The following RUNDC3B variants were observed in gnomAD, a reference collection of about 807,000 sequenced individuals.
RUNDC3B encodes the protein RUN domain-containing protein 3B.
RUNDC3B carries 33 observed loss-of-function variants against 58.4 expected under a neutral mutation model. The ratio of observed to expected loss-of-function variants is 0.56; its 90% CI spans 0.43 to 0.75. The LOEUF is 0.75. RUNDC3B is among the 30% of genes least tolerant of loss of function. The probability of loss-of-function intolerance (pLI) is 0.00; values close to 1 mark genes in which losing one functional copy is unlikely to be tolerated. For synonymous variants in RUNDC3B, 193 were observed against 195.2 expected, an observed-to-expected ratio of 0.99 and a Z score of 0.10; for missense variants, 501 against 535.7, an observed-to-expected ratio of 0.94 and a Z score of 0.64.
intron 3 of RUNDC3B, chr7:87,709,208 G>C (rs995230340): frequency 2.0e-6 from 2 of 981,902 alleles, no homozygotes; most frequent in African/African-American, 3.5e-5. Flanking sequence ...CAGGAAGCAA[G>C]ATTTTCCCTA....
chr7:87,810,562 G>T (rs1260709497), intron 9 of RUNDC3B, among the ~76,000 whole-genome samples: 3 of 152,122 alleles, frequency 2.0e-5, no homozygotes, highest in African/African-American at 7.2e-5. Flanking sequence ...ACAACAGTGT[G>T]TTGTTTGATT....
At chr7:87,741,957 T>C (rs562218391) in intron 6 of RUNDC3B, among the ~76,000 whole-genome samples, 8 of 152,338 alleles carry the variant, frequency 5.3e-5, no homozygotes, top group Admixed American at 2.6e-4. Context: ...TAACATTTTA[T>C]GCATATCAAT....
At chr7:87,820,738 G>A (rs1255752377) in intron 10 of RUNDC3B, among the ~76,000 whole-genome samples, 8 of 151,232 alleles carry the variant, frequency 5.3e-5, no homozygotes, top group Non-Finnish European at 1.2e-4. Context: ...TTCAACATAC[G>A]CAAATCAATA....
At chr7:87,769,675 G>T (rs1363370429) in intron 6 of RUNDC3B, among the ~76,000 whole-genome samples, 2 of 151,446 alleles carry the variant, frequency 1.3e-5, no homozygotes, top group African/African-American at 4.9e-5. Context: ...TGGGATACAT[G>T]TGCAGAACGT....
intron 2 of RUNDC3B, among the ~76,000 whole-genome samples, chr7:87,670,980 T>A (rs780802312): frequency 7.9e-5 from 12 of 152,232 alleles, no homozygotes; most frequent in Non-Finnish European, 1.8e-4. Flanking sequence ...TCAGTGTTTA[T>A]GTTTCTTTCT....
intron 1 of RUNDC3B, among the ~76,000 whole-genome samples, chr7:87,647,169 A>G (rs1436761467): frequency 6.6e-6 from 1 of 152,218 alleles, no homozygotes; most frequent in Non-Finnish European, 1.5e-5. Context: ...TTACACAACA[A>G]GAATGCCATA....
At position 87,805,977 on chromosome 7, in the gene RUNDC3B, T is replaced by C. The variant is rs892085455; in HGVS notation, c.957-1396T>C. On this transcript the variant is annotated intron_variant, in intron 8 of 10. Coordinates refer to ENST00000394654, the MANE Select transcript of RUNDC3B (RefSeq NM_001134405.2). ...TTCCCAGCCACTCTCTTTGTAAAGC[T>C]TTACTGTTTTCATTTTTGAAAAAAT... 5.3e-5 allele frequency among the ~76,000 whole-genome samples: 8 copies of C among 152,322 alleles called. No homozygotes were observed. The South Asian group carries it at 1.2e-3, about 24-fold the overall frequency.
At chr7:87,674,571 A>T (rs1276898805) in intron 2 of RUNDC3B, among the ~76,000 whole-genome samples, 3 of 152,062 alleles carry the variant, frequency 2.0e-5, no homozygotes, top group Non-Finnish European at 4.4e-5. Flanking sequence ...GGCATGGGCA[A>T]ATAGTATATG....
At chr7:87,748,396 G>A (rs1243317791) in intron 6 of RUNDC3B, among the ~76,000 whole-genome samples, 1 of 152,106 alleles carries the variant, frequency 6.6e-6, no homozygotes, top group East Asian at 1.9e-4. Flanking sequence ...GGTCCTCTCG[G>A]GATTGGTAGG....
At chr7:87,761,652 C>T (rs1387897365) in intron 6 of RUNDC3B, among the ~76,000 whole-genome samples, 4 of 151,884 alleles carry the variant, frequency 2.6e-5, no homozygotes, top group Admixed American at 6.6e-5. Flanking sequence ...TGGGATGAAG[C>T]GTTGATACCT....
intron 10 of RUNDC3B, 87 bp downstream of exon 10, chr7:87,816,349 G>T: frequency 1.0e-6 from 1 of 962,912 alleles, no homozygotes; most frequent in Non-Finnish European, 1.6e-6. Context: ...GAATAATAGT[G>T]ACATCTCTGT....
intron 6 of RUNDC3B, among the ~76,000 whole-genome samples, chr7:87,762,080 G>A (rs7779520): frequency 0.015 from 2,274 of 151,572 alleles, 33 homozygotes; most frequent in Non-Finnish European, 0.019. Context: ...TTTGTTTTTA[G>A]TTATGAATAC....
At chr7:87,728,028 A>G (rs2130788017) in intron 4 of RUNDC3B, among the ~76,000 whole-genome samples, 1 of 152,304 alleles carries the variant, frequency 6.6e-6, no homozygotes, top group East Asian at 1.9e-4. Context: ...ATCTTCTTCT[A>G]TTCATCTAAT....
At chr7:87,783,244 TAATG>T (rs1563206547) in intron 8 of RUNDC3B, among the ~76,000 whole-genome samples, 1 of 152,086 alleles carries the variant, frequency 6.6e-6, no homozygotes, top group Non-Finnish European at 1.5e-5. Context: ...TATCATTATG[TAATG>T]ACCGTAATGA....
chr7:87,806,848 A>G (rs1836462326), intron 8 of RUNDC3B, among the ~76,000 whole-genome samples: 2 of 152,186 alleles, frequency 1.3e-5, no homozygotes, highest in African/African-American at 4.8e-5. Flanking sequence ...CAGTGTGTTA[A>G]AAAGAAAAGA....
chr7:87,685,894 T>C (rs2130616856), intron 2 of RUNDC3B, among the ~76,000 whole-genome samples: 1 of 152,332 alleles, frequency 6.6e-6, no homozygotes, highest in South Asian at 2.1e-4. Flanking sequence ...GATTATAATA[T>C]GTAAGATTCT....
chr7:87,810,081 A>G (rs141576366), intron 9 of RUNDC3B, among the ~76,000 whole-genome samples: 2 of 152,238 alleles, frequency 1.3e-5, no homozygotes, highest in African/African-American at 4.8e-5. Flanking sequence ...CCTGGTAAAG[A>G]TATGGGATGT....
Position 87,783,179 on chromosome 7 carries a change from A to ATG in RUNDC3B, c.956+5240_956+5241dup, listed in dbSNP as rs372043739. Among the ~76,000 whole-genome samples, 61 of 148,798 alleles carry ATG rather than the reference A, an allele frequency of 4.1e-4. 1 individual carries two copies. The highest frequency in any genetic ancestry group is 1.6e-3 in the East Asian group (8 of 5,096). On this transcript the variant is annotated intron_variant, in intron 8 of 10. Coordinates refer to ENST00000394654, the MANE Select transcript of RUNDC3B (RefSeq NM_001134405.2). ...TATGTGTGTGTGCATGTGTTTGTGTATGTGTGTGTGTGTGTGTATATGACA... is the reference window on the plus strand; with the variant it reads ...TATGTGTGTGTGCATGTGTTTGTGTATGTGTGTGTGTGTGTGTGTATATGACA...
At chr7:87,650,214 A>G (rs1317561044) in intron 1 of RUNDC3B, among the ~76,000 whole-genome samples, 1 of 152,162 alleles carries the variant, frequency 6.6e-6, no homozygotes, top group African/African-American at 2.4e-5. Flanking sequence ...TTTGATTTTA[A>G]TGGGGACAAT....
Sources: allele counts gnomAD v4.1 joint callset (sites outside exome capture counted in the v4.1 genomes callset), GRCh38; gene constraint gnomAD v4.1.1; transcripts MANE v1.5; gene names NCBI Gene and HGNC (gene_info 2026-07-23, HGNC 2026-07-21).